PTMA: variants seen among roughly 807,000 people sequenced by gnomAD.
PTMA encodes gene sequence 28.
Under a neutral mutation model 16.9 loss-of-function variants are expected in PTMA, and 4 were observed. The observed-to-expected ratio is 0.24, with a 90% CI of 0.12 to 0.54. The LOEUF (loss-of-function observed/expected upper bound fraction) is 0.54. Ranked by LOEUF, PTMA falls within the 20% of genes least tolerant of loss-of-function variation. The pLI is 0.95. For synonymous variants in PTMA, 58 were observed against 47.9 expected, an observed-to-expected ratio of 1.21 and a Z score of -0.87; for missense variants, 120 against 137.7, an observed-to-expected ratio of 0.87 and a Z score of 0.64.
chr2:231,708,804 G>T, intron 1 of PTMA, 53 bp downstream of exon 1: 2 of 1,576,760 alleles, frequency 1.3e-6, no homozygotes, highest in Non-Finnish European at 1.7e-6. Flanking sequence ...CCGCTCGGGC[G>T]GTGTTTGGCG....
intron 2 of PTMA, 193 bp downstream of exon 2, chr2:231,711,612 C>T: frequency 1.4e-6 from 1 of 736,922 alleles, no homozygotes; most frequent in Non-Finnish European, 2.2e-6. Flanking sequence ...ACCTTTCGAG[C>T]AGCGCCTGAA....
At position 231,712,886 on chromosome 2, in the gene PTMA, A is replaced by C; in HGVS notation, c.*35A>C. On this transcript the variant is annotated 3_prime_UTR_variant, in exon 5 of 5. Transcript: ENST00000409115. ...AAGGAAAAGTTAAACTAAAAAAAAA[A>C]AGGCCGCCGTGACCTATTCACCCTC... 1 of 1,536,406 alleles carries C rather than the reference A, an allele frequency of 6.5e-7. No individual in the cohort carries two copies. The highest frequency in any genetic ancestry group is 1.2e-5 in the South Asian group (1 of 81,456).
chr2:231,711,299 G>C, intron 1 of PTMA, 49 bp from the exon 2 acceptor site: 1 of 1,511,274 alleles, frequency 6.6e-7, no homozygotes, highest in Non-Finnish European at 9.2e-7. Flanking sequence ...GCTTACCCTG[G>C]GTTGCTCAGA....
Position 231,713,402 on chromosome 2 carries a change from C to T in PTMA, c.*551C>T. On this transcript the variant is annotated 3_prime_UTR_variant, in exon 5 of 5. Transcript: ENST00000409115. ...GTTTGTATGAGATGGTTAAAAAGGC[C>T]AAAGATAAAAGGTTTCTTTTTTTTT... The T allele has an allele frequency of 2.0e-6, 1 of 509,028 alleles. No individual in the cohort carries two copies. The highest frequency in any genetic ancestry group is 1.5e-5 in the South Asian group (1 of 65,586). The allele number at this position is 509,028 out of a possible 1,614,324, so 31.5% of individuals were successfully genotyped here.
At chr2:231,710,355 G>C (rs1164354343) in intron 1 of PTMA, 2 of 1,206,734 alleles carry the variant, frequency 1.7e-6, no homozygotes, top group South Asian at 8.3e-5. Context: ...CGCGGTGCGT[G>C]CCGAGGCCCG....
At chr2:231,712,631 G>A (rs2048533170) in intron 4 of PTMA, 115 bp downstream of exon 4, 2 of 1,339,400 alleles carry the variant, frequency 1.5e-6, no homozygotes, top group East Asian at 2.4e-5. Context: ...TGGCCACTGT[G>A]TGGTCCTGAA....
intron 2 of PTMA, 147 bp downstream of exon 2, chr2:231,711,566 C>A: frequency 3.8e-6 from 3 of 797,580 alleles, no homozygotes; most frequent in South Asian, 1.7e-5. Flanking sequence ...GAGCTTTACC[C>A]GAGGCGCGAT....
At chr2:231,711,724 T>G in intron 2 of PTMA, 166 bp from the exon 3 acceptor site, 7 of 1,289,492 alleles carry the variant, frequency 5.4e-6, no homozygotes, top group Non-Finnish European at 6.3e-6. Context: ...GGTTTCATGA[T>G]GGAGCCTGGA....
rs112478714 is a variant in PTMA, at chr2:231,713,092, A to G, written c.*241A>G. On this transcript the variant is annotated 3_prime_UTR_variant, in exon 5 of 5. Coordinates refer to ENST00000409115, the MANE Select transcript of PTMA (RefSeq NM_002823.5). ...CCAAGGCCCTGCTTTTTTTCTTAAAAGTACTTTAAAAAGGAAATTTGTTTG... is the reference window on the plus strand; with the variant it reads ...CCAAGGCCCTGCTTTTTTTCTTAAAGGTACTTTAAAAAGGAAATTTGTTTG... 1.9e-6 allele frequency: 1 copy of G among 529,552 alleles called. No individual in the cohort carries two copies. The allele number at this position is 529,552 out of a possible 1,614,324, so 32.8% of individuals were successfully genotyped here. A position where few individuals can be genotyped will look rare whatever the true frequency, so the allele number is the denominator to read the frequency against.
chr2:231,712,082 A>G lies in PTMA; in HGVS notation c.211+99A>G, dbSNP rs948708782. The G allele has an allele frequency of 4.5e-5, 69 of 1,532,080 alleles. 2 individuals are homozygous for G. The South Asian group carries it at 6.9e-4, about 15-fold the overall frequency. 94.9% of individuals were successfully genotyped at this position (1,532,080 alleles called of 1,614,324 possible). A position where few individuals can be genotyped will look rare whatever the true frequency, so the allele number is the denominator to read the frequency against. On this transcript the variant is annotated intron_variant, in intron 3 of 4. Transcript: ENST00000409115. ...AATTGGGGCTCCTGGGAGTGGGACAATGGTACTTGGGGCCAGTGGACCACA... is the reference window on the plus strand; with the variant it reads ...AATTGGGGCTCCTGGGAGTGGGACAGTGGTACTTGGGGCCAGTGGACCACA...
chr2:231,710,606 G>A, intron 1 of PTMA: 1 of 491,852 alleles, frequency 2.0e-6, no homozygotes, highest in South Asian at 1.6e-5. Flanking sequence ...TGGCCGTGTC[G>A]TGTGGAAAAA....
chr2:231,710,186 C>G (rs757502699), intron 1 of PTMA: 2 of 1,305,450 alleles, frequency 1.5e-6, no homozygotes, highest in Non-Finnish European at 2.0e-6. Context: ...CGAATGCAGA[C>G]ATTCGGGCCT....
chr2:231,713,551 A>T lies in PTMA; in HGVS notation c.*700A>T, dbSNP rs1233370940. 2.4e-6 allele frequency: 1 copy of T among 411,234 alleles called. No homozygotes were observed. Among genetic ancestry groups the T allele is most frequent in the Non-Finnish European group, 4.9e-6 (1 of 203,684 alleles). The allele number at this position is 411,234 out of a possible 1,614,324, so 25.5% of individuals were successfully genotyped here. Reference sequence around the variant, plus strand: ...GAGTTGTTCTAACAAAGCTGTCTCAAGCCTGGTTTTTCTGTTTCAGTTTCT... The same window carrying T: ...GAGTTGTTCTAACAAAGCTGTCTCATGCCTGGTTTTTCTGTTTCAGTTTCT... On this transcript the variant is annotated 3_prime_UTR_variant, in exon 5 of 5. Coordinates refer to ENST00000409115, the MANE Select transcript of PTMA (RefSeq NM_002823.5).
chr2:231,708,745 C>T lies in PTMA; in HGVS notation c.39C>T (p.Thr13=), dbSNP rs2048472966. Residue 13 remains threonine, a synonymous_variant, in exon 1 of 5, where the codon ACC becomes ACT. Transcript: ENST00000409115. ...CCGTAGACACCAGCTCCGAAATCAC[C>T]ACCAAGGTGAGGCTGGACGCCGCCC... is the stretch of plus-strand genomic sequence containing the variant. ...DAAVDTSSEI[T]TKDLKEKKEV... The T allele has an allele frequency of 1.2e-6, 2 of 1,603,404 alleles. No homozygotes were observed. The highest frequency in any genetic ancestry group is 1.7e-5 in the Admixed American group (1 of 60,000).
At position 231,710,360 on chromosome 2, in the gene PTMA, G is replaced by T. The variant is rs2048501398; in HGVS notation, c.46-988G>T. ...GCTCCCTGCGCGCGGTGCGTGCCGA[G>T]GCCCGCGCGCAAAGCCCGCCGGGCG... On this transcript the variant is annotated intron_variant, in intron 1 of 4. Transcript: ENST00000409115. 8 of 1,204,430 alleles carry T rather than the reference G, an allele frequency of 6.6e-6. No homozygotes were observed. In the South Asian group the frequency reaches 2.1e-4, roughly 31 times the overall value. The allele number at this position is 1,204,430 out of a possible 1,614,324, so 74.6% of individuals were successfully genotyped here.
At chr2:231,711,648 GGTAGT>G (rs1162160710) in intron 2 of PTMA, 1 of 756,614 alleles carries the variant, frequency 1.3e-6, no homozygotes, top group Non-Finnish European at 2.1e-6. Context: ...AGGAGACTCC[GGTAGT>G]CTGAGTTTGG....
In PTMA at chr2:231,711,901, T is replaced by C. The variant is rs1312987469; in HGVS notation, c.129T>C (p.Asn43=). 6.2e-7 allele frequency: 1 copy of C among 1,610,662 alleles called. No homozygotes were observed. Among genetic ancestry groups the C allele is most frequent in the East Asian group, 2.2e-5 (1 of 44,696 alleles). ...TTTCTGTCGAGGAGAATGAGGAAAA[T>C]GGGGAGCAGGAGGCTGACAATGAGG... ...APANGNANEE[N]GEQEADNEVD... Residue 43 remains asparagine (N), a synonymous_variant, in exon 3 of 5, where the codon AAT becomes AAC. Coordinates refer to ENST00000409115, the MANE Select transcript of PTMA (RefSeq NM_002823.5).
intron 2 of PTMA, 38 bp from the exon 3 acceptor site, chr2:231,711,851 GC>G: frequency 6.2e-7 from 1 of 1,610,204 alleles, no homozygotes; most frequent in Non-Finnish European, 8.5e-7. Flanking sequence ...CCAGCCTGGG[GC>G]CAGCTGGTAA....
intron 1 of PTMA, chr2:231,710,072 C>G (rs1002196896): frequency 1.6e-6 from 2 of 1,230,508 alleles, no homozygotes; most frequent in Non-Finnish European, 2.0e-6. Flanking sequence ...AAGGTGACTT[C>G]CCGCGAGGGC....
Sources: gnomAD v4.1 joint callset for allele counts on GRCh38, gnomAD v4.1.1 for gene constraint, MANE v1.5 for transcripts, NCBI Gene and HGNC (gene_info 2026-07-23, HGNC 2026-07-21) for gene names.